The following SLC28A1 variants were observed in gnomAD, a reference collection of about 807,000 sequenced individuals.
SLC28A1 encodes the protein sodium/nucleoside cotransporter 1.
SLC28A1 carries 64 observed loss-of-function variants against 74.8 expected under a neutral mutation model. The ratio of observed to expected loss-of-function variants is 0.86; its 90% CI spans 0.70 to 1.05. The LOEUF (loss-of-function observed/expected upper bound fraction) is 1.05. Among genes scored for constraint, SLC28A1 ranks in the 50% least tolerant of loss-of-function variants. The pLI is 0.00. For synonymous variants in SLC28A1, 359 were observed against 335.0 expected, an observed-to-expected ratio of 1.07 and a Z score of -0.78; for missense variants, 828 against 822.8, an observed-to-expected ratio of 1.01 and a Z score of -0.08.
intron 8 of SLC28A1, among the ~76,000 whole-genome samples, chr15:84,906,508 G>GTTTCTTTCTTTCTTTCTTTC (rs1555447134): frequency 1.8e-5 from 1 of 54,686 alleles, no homozygotes; most frequent in African/African-American, 7.3e-5. Context: ...TGGTTTGTTT[G>GTTTCTTTCTTTCTTTCTTTC]TTTGTTTGTT....
rs954109655 is a variant in SLC28A1, at chr15:84,924,131, G to T, written c.1083+21G>T. 2.5e-6 allele frequency: 4 copies of T among 1,608,716 alleles called. No individual in the cohort carries two copies. The African/African-American group carries it at 4.0e-5, about 16-fold the overall frequency. On this transcript the variant is annotated intron_variant, in intron 12 of 18. Transcript: ENST00000394573. ...TTGGGGTAGGTAGAGCCCTCCTTCTGCTTGGCTATGTTGAGGACCTGAAGC... is the reference window on the plus strand; with the variant it reads ...TTGGGGTAGGTAGAGCCCTCCTTCTTCTTGGCTATGTTGAGGACCTGAAGC...
the SLC28A1 span, among the ~76,000 whole-genome samples, chr15:84,954,513 C>T: frequency 9.9e-5 from 15 of 152,218 alleles, no homozygotes; most frequent in Non-Finnish European, 2.2e-4. Flanking sequence ...ATATGCTGTC[C>T]GTGTAATCCT....
At chr15:84,971,122 A>G in the SLC28A1 span, among the ~76,000 whole-genome samples, 1 of 152,174 alleles carries the variant, frequency 6.6e-6, no homozygotes, top group South Asian at 2.1e-4. Flanking sequence ...GACAGTAGCA[A>G]CCCCTATCAG....
chr15:84,955,890 GC>G, the SLC28A1 span, among the ~76,000 whole-genome samples: 7 of 152,106 alleles, frequency 4.6e-5, no homozygotes, highest in Non-Finnish European at 1.5e-5. Context: ...ATTGACCCCA[GC>G]CTTCCTGATC....
chr15:84,909,879 T>C (rs1211971629), intron 9 of SLC28A1, among the ~76,000 whole-genome samples: 1 of 152,258 alleles, frequency 6.6e-6, no homozygotes, highest in African/African-American at 2.4e-5. Context: ...TTCTTCTGTT[T>C]TTCATTATGC....
chr15:84,958,532 A>T, the SLC28A1 span, among the ~76,000 whole-genome samples: 1 of 152,162 alleles, frequency 6.6e-6, no homozygotes, highest in African/African-American at 2.4e-5. Context: ...TTTGGAAATC[A>T]CTTCCTCTTA....
chr15:84,939,934 C>T (rs766022794), intron 15 of SLC28A1, among the ~76,000 whole-genome samples: 1 of 152,132 alleles, frequency 6.6e-6, no homozygotes, highest in Non-Finnish European at 1.5e-5. Flanking sequence ...AAGTGATCCT[C>T]CTGCCTCAGC....
At position 84,905,611 on chromosome 15, in the gene SLC28A1, C is replaced by A. The variant is rs1293994751; in HGVS notation, c.676C>A (p.Pro226Thr). Residue 226 changes from proline to threonine, a missense_variant, in exon 8 of 19, where the codon CCA becomes ACA. Transcript: ENST00000394573. ...VLGLLVIRTE[P>T]GFIAFEWLGE... ...TGGACTCCTCGTCATCAGAACAGAACCAGGATTCATTGCGTTCGAGTGGCT... is the reference window on the plus strand; with the variant it reads ...TGGACTCCTCGTCATCAGAACAGAAACAGGATTCATTGCGTTCGAGTGGCT... The A allele has an allele frequency of 6.2e-7, 1 of 1,614,068 alleles. No homozygotes were observed. Among genetic ancestry groups the A allele is most frequent in the Non-Finnish European group, 8.5e-7 (1 of 1,179,952 alleles).
intron 12 of SLC28A1, among the ~76,000 whole-genome samples, chr15:84,927,758 G>A (rs1001694606): frequency 2.6e-5 from 4 of 152,114 alleles, no homozygotes; most frequent in Non-Finnish European, 5.9e-5. Context: ...ACTGATAAAT[G>A]GGAGGGCAGG....
At chr15:84,907,455 G>A (rs1046388938) in intron 8 of SLC28A1, among the ~76,000 whole-genome samples, 1 of 152,166 alleles carries the variant, frequency 6.6e-6, no homozygotes, top group African/African-American at 2.4e-5. Flanking sequence ...AAAGTGCTGG[G>A]ATTATAGGCA....
chr15:84,898,142 T>TC (rs1205500070), intron 6 of SLC28A1, among the ~76,000 whole-genome samples: 3 of 147,012 alleles, frequency 2.0e-5, no homozygotes, highest in Non-Finnish European at 4.5e-5. Context: ...TTTTTTTTTT[T>TC]CATATATACC....
the SLC28A1 span, among the ~76,000 whole-genome samples, chr15:84,952,228 G>A: frequency 2.0e-5 from 3 of 152,188 alleles, no homozygotes; most frequent in African/African-American, 7.2e-5. Context: ...AGGAAGAGAT[G>A]ATCCCACAAG....
the SLC28A1 span, among the ~76,000 whole-genome samples, chr15:84,951,762 G>A: frequency 2.1e-4 from 32 of 152,170 alleles, no homozygotes; most frequent in Non-Finnish European, 2.9e-4. Flanking sequence ...AAATGGGCCC[G>A]CTCCTTCTGA....
intron 15 of SLC28A1, among the ~76,000 whole-genome samples, chr15:84,941,612 G>A (rs1331607947): frequency 6.6e-6 from 1 of 152,022 alleles, no homozygotes; most frequent in African/African-American, 2.4e-5. Flanking sequence ...GGCTGGGCAC[G>A]GTGGCTCATG....
intron 6 of SLC28A1, among the ~76,000 whole-genome samples, chr15:84,900,818 AAGAC>A (rs1403949983): frequency 6.6e-6 from 1 of 151,928 alleles, no homozygotes; most frequent in Non-Finnish European, 1.5e-5. Flanking sequence ...TGCCTCAAAA[AAGAC>A]AGACAGAAAG....
intron 9 of SLC28A1, among the ~76,000 whole-genome samples, chr15:84,914,673 C>A (rs75916787): frequency 2.0e-5 from 3 of 152,184 alleles, no homozygotes. Context: ...GTGGTTGGCA[C>A]ACAGTGGAAT....
At chr15:84,960,416 C>T in the SLC28A1 span, among the ~76,000 whole-genome samples, 2 of 151,932 alleles carry the variant, frequency 1.3e-5, no homozygotes, top group Admixed American at 6.5e-5. Context: ...TGCCACCATG[C>T]CCGGCTAATT....
intron 6 of SLC28A1, 174 bp downstream of exon 6, chr15:84,895,297 G>T (rs956799750): frequency 6.3e-7 from 1 of 1,595,588 alleles, no homozygotes; most frequent in East Asian, 2.2e-5. Flanking sequence ...CATCTTTGTG[G>T]TGTTTCACCA....
chr15:84,905,172 C>T (rs1049931963), intron 7 of SLC28A1, among the ~76,000 whole-genome samples: 22 of 152,140 alleles, frequency 1.4e-4, no homozygotes, highest in African/African-American at 3.9e-4. Context: ...AGGGTTCACA[C>T]GAGCTGGGAG....
Sources: allele counts gnomAD v4.1 joint callset (sites outside exome capture counted in the v4.1 genomes callset), GRCh38; gene constraint gnomAD v4.1.1; transcripts MANE v1.5; gene names NCBI Gene and HGNC (gene_info 2026-07-23, HGNC 2026-07-21).